The following ANKRD24 variants were observed in gnomAD, a reference collection of about 807,000 sequenced individuals.
The protein encoded by ANKRD24 is ankyrin repeat domain-containing protein 24.
In ANKRD24, 109 loss-of-function variants were observed where a neutral mutation model predicts 127.8. That is an observed-to-expected ratio of 0.85 (90% CI 0.73 to 1.00). The LOEUF is 1.00. ANKRD24 is among the 50% of genes least tolerant of loss of function. The pLI, the probability that ANKRD24 is intolerant of heterozygous loss-of-function variation, is 0.00. For missense variants in ANKRD24, 1,648 were observed against 1,570.2 expected (o/e 1.05, Z -0.84); for synonymous variants, 743 against 671.1 (o/e 1.11, Z -1.66).
At chr19:4,200,748 C>T (rs1969054160) in intron 5 of ANKRD24, among the ~76,000 whole-genome samples, 1 of 152,076 alleles carries the variant, frequency 6.6e-6, no homozygotes, top group South Asian at 2.1e-4. Context: ...TCTTGAACTC[C>T]TGGGCTCTAA....
intron 11 of ANKRD24, 39 bp from the exon 12 acceptor site, chr19:4,210,019 C>G: frequency 3.1e-6 from 4 of 1,307,884 alleles, no homozygotes; most frequent in Non-Finnish European, 4.3e-6. Context: ...CATGGCCCCC[C>G]GATCGGCCCC....
intron 2 of ANKRD24, among the ~76,000 whole-genome samples, chr19:4,188,871 G>A (rs1334299470): frequency 6.6e-5 from 10 of 152,020 alleles, no homozygotes; most frequent in African/African-American, 2.2e-4. Flanking sequence ...GCAGTGGCAC[G>A]ATCTCTGCTC....
At chr19:4,190,465 CTG>C (rs1968324105) in intron 2 of ANKRD24, among the ~76,000 whole-genome samples, 1 of 150,446 alleles carries the variant, frequency 6.6e-6, no homozygotes, top group Non-Finnish European at 1.5e-5. Flanking sequence ...TGGCTCACGT[CTG>C]TAATCCCAGC....
intron 7 of ANKRD24, among the ~76,000 whole-genome samples, chr19:4,203,685 C>T (rs980309281): frequency 2.6e-5 from 4 of 151,254 alleles, no homozygotes; most frequent in Admixed American, 6.6e-5. Flanking sequence ...CTCCCTCTGT[C>T]GCCCAGGGTG....
chr19:4,190,633 T>C (rs1367870619), intron 2 of ANKRD24, among the ~76,000 whole-genome samples: 1 of 151,872 alleles, frequency 6.6e-6, no homozygotes, highest in African/African-American at 2.4e-5. Context: ...CTCAGGAGGC[T>C]GAGGAAGGAA....
At chr19:4,188,990 A>C (rs914308239) in intron 2 of ANKRD24, among the ~76,000 whole-genome samples, 1 of 151,540 alleles carries the variant, frequency 6.6e-6, no homozygotes. Flanking sequence ...TTGTATTTTT[A>C]GTAGAGACAG....
chr19:4,191,381 C>G (rs955039568), intron 2 of ANKRD24, among the ~76,000 whole-genome samples: 5 of 152,228 alleles, frequency 3.3e-5, no homozygotes, highest in Non-Finnish European at 7.3e-5. Context: ...CCCCTCTCCT[C>G]CTCTCCTTAG....
intron 18 of ANKRD24, among the ~76,000 whole-genome samples, chr19:4,218,440 C>T (rs139395508): frequency 6.6e-6 from 1 of 151,940 alleles, no homozygotes; most frequent in South Asian, 2.1e-4. Context: ...GCTGGAATTA[C>T]AGGCACCTGC....
Position 4,217,493 on chromosome 19 carries a change from G to A in ANKRD24, c.2333G>A (p.Gly778Glu). ...GAGGCCGAGGGCAGCGGGGCCAGCG[G>A]GGGCGGTGGCGGTGACACCACACAG... is the stretch of plus-strand genomic sequence containing the variant. ...VREAEGSGAS[G>E]GGGGDTTQLR... The change falls in exon 18 of 22, where the codon GGG becomes GAG. Residue 778 changes from glycine (G) to glutamate (E), a missense_variant. Gly to Glu is a moderately conservative substitution (Grantham distance 98). Transcript: ENST00000318934. 1 of 1,412,582 alleles carries A rather than the reference G, an allele frequency of 7.1e-7. No individual in the cohort carries two copies. The highest frequency in any genetic ancestry group is 9.2e-7 in the Non-Finnish European group (1 of 1,088,862). The allele number at this position is 1,412,582 out of a possible 1,614,324, so 87.5% of individuals were successfully genotyped here. A position where few individuals can be genotyped will look rare whatever the true frequency, so the allele number is the denominator to read the frequency against.
Position 4,222,803 on chromosome 19 carries a change from C to A in ANKRD24, c.3297+8C>A. The A allele has an allele frequency of 6.3e-7, 1 of 1,598,514 alleles. No homozygotes were observed. The highest frequency in any genetic ancestry group is 1.3e-5 in the African/African-American group (1 of 74,690). ...TTACAGCAGCAGCTGCAGGTAAGGACTGGGCCACGCAGGGGCCAGGGGACC... is the reference window on the plus strand; with the variant it reads ...TTACAGCAGCAGCTGCAGGTAAGGAATGGGCCACGCAGGGGCCAGGGGACC... On this transcript the variant is annotated splice_region_variant and intron_variant, in intron 20 of 21. Transcript: ENST00000318934.
Position 4,218,070 on chromosome 19 carries a change from C to T in ANKRD24, c.2910C>T (p.Ile970=), listed in dbSNP as rs1309269519. 3.2e-6 allele frequency: 5 copies of T among 1,555,872 alleles called. No homozygotes were observed. The highest frequency in any genetic ancestry group is 5.0e-5 in the East Asian group (2 of 40,132). Residue 970 remains isoleucine (I), a synonymous_variant, in exon 18 of 22, where the codon ATC becomes ATT. Coordinates refer to ENST00000318934, the MANE Select transcript of ANKRD24 (RefSeq NM_001393985.1). ...TGGCGCTCTCGGAGCACGAACGCAT[C>T]GTGGGCACCCTGCAGGCCAACGTGG... is the stretch of plus-strand genomic sequence containing the variant. ...CSVALSEHER[I]VGTLQANVAQ... is the part of the protein sequence containing the mutation.
rs1462118423 is a variant in ANKRD24 at position 4,209,672 on chromosome 19, C to T, written c.871-386C>T. On this transcript the variant is annotated intron_variant, in intron 11 of 21. Coordinates refer to ENST00000318934, the MANE Select transcript of ANKRD24 (RefSeq NM_001393985.1). ...CACTCTGTGTTGTCCAGGCTGCTCT[C>T]GAACTCCTGACCTCAAGTGATCACC... Among the ~76,000 whole-genome samples, 9 of 151,902 alleles carry T rather than the reference C, an allele frequency of 5.9e-5. No homozygotes were observed. The Middle Eastern group carries it at 0.017, about 287-fold the overall frequency.
In ANKRD24 at chr19:4,212,467, C is replaced by T. The variant is rs1969795327; in HGVS notation, c.1060-8C>T. On this transcript the variant is annotated splice_region_variant and splice_polypyrimidine_tract_variant and intron_variant, in intron 13 of 21. Coordinates refer to ENST00000318934, the MANE Select transcript of ANKRD24 (RefSeq NM_001393985.1). ...GATCCAAACCCCTGTCCCTGTTTCT[C>T]CCGTCAGTCCCCGGAGGCCAGCTCC... is the stretch of plus-strand genomic sequence containing the variant. 2 of 1,574,714 alleles carry T rather than the reference C, an allele frequency of 1.3e-6. No individual in the cohort carries two copies. The highest frequency in any genetic ancestry group is 1.9e-5 in the Admixed American group (1 of 53,236).
At position 4,198,579 on chromosome 19, in the gene ANKRD24, T is replaced by TGAG; in HGVS notation, c.37-1104_37-1103insGAG. 1 of 468,502 alleles carries TGAG rather than the reference T, an allele frequency of 2.1e-6. No individual in the cohort carries two copies. The highest frequency in any genetic ancestry group is 3.8e-6 in the Non-Finnish European group (1 of 265,056). 29.0% of individuals were successfully genotyped at this position (468,502 alleles called of 1,614,324 possible). A position where few individuals can be genotyped will look rare whatever the true frequency, so the allele number is the denominator to read the frequency against. On this transcript the variant is annotated intron_variant, in intron 2 of 21. Transcript: ENST00000318934. The surrounding 1 kb of genome is among the most constrained non-coding windows in gnomAD (Gnocchi z 6.1). ...CAGGAGCGGGCGGGGCGCGGGTACC[T>TGAG]CCTCTCCCCTCCCTTCCCCGTCCCC...
At chr19:4,183,555 A>C in intron 1 of ANKRD24, 1 of 167,056 alleles carries the variant, frequency 6.0e-6, no homozygotes, top group Non-Finnish European at 1.2e-5. Flanking sequence ...CACAGGAGGC[A>C]CCTGACCCAG....
At chr19:4,215,549 T>C (rs999616935) in intron 15 of ANKRD24, among the ~76,000 whole-genome samples, 4 of 149,638 alleles carry the variant, frequency 2.7e-5, no homozygotes, top group Non-Finnish European at 5.9e-5. Flanking sequence ...GGAGGATCGC[T>C]TGAACCCAGG....
At position 4,224,577 on chromosome 19, in the gene ANKRD24, G is replaced by T; in HGVS notation, c.*72G>T. On this transcript the variant is annotated 3_prime_UTR_variant, in exon 22 of 22. Coordinates refer to ENST00000318934, the MANE Select transcript of ANKRD24 (RefSeq NM_001393985.1). ...CTCACCCCCCTGCAGGCCCCTTGCA[G>T]ACCGGCTTCACTTGGCTTCACTTGG... 6.9e-7 allele frequency: 1 copy of T among 1,439,860 alleles called. No individual in the cohort carries two copies. The allele number at this position is 1,439,860 out of a possible 1,614,324, so 89.2% of individuals were successfully genotyped here. A position where few individuals can be genotyped will look rare whatever the true frequency, so the allele number is the denominator to read the frequency against.
In ANKRD24 at chr19:4,217,942, G is replaced by C; in HGVS notation, c.2782G>C (p.Glu928Gln). The C allele has an allele frequency of 6.6e-7, 1 of 1,505,676 alleles. No homozygotes were observed. Among genetic ancestry groups the C allele is most frequent in the Non-Finnish European group, 8.8e-7 (1 of 1,134,606 alleles). 93.3% of individuals were successfully genotyped at this position (1,505,676 alleles called of 1,614,324 possible). Residue 928 changes from glutamate (E) to glutamine (Q), a missense_variant, in exon 18 of 22, where the codon GAG (glutamate) becomes CAG (glutamine). Transcript: ENST00000318934. Reference protein sequence around the residue: ...EHRRLQEEALELRGRAASLEQ... With the variant: ...EHRRLQEEALQLRGRAASLEQ... ...CCGCCGGCTGCAGGAGGAGGCCCTG[G>C]AGCTGCGGGGCCGGGCAGCCAGTCT...
At chr19:4,203,433 ACCTCCCGGGTTCAAACGAT>A (rs1275046095) in intron 7 of ANKRD24, among the ~76,000 whole-genome samples, 1 of 150,862 alleles carries the variant, frequency 6.6e-6, no homozygotes, top group Admixed American at 6.6e-5. Flanking sequence ...TGCATCCTTG[ACCTCCCGGGTTCAAACGAT>A]CCTCCTGCCT....
Sources: gnomAD v4.1 joint callset for allele counts (sites outside exome capture counted in the v4.1 genomes callset) on GRCh38, gnomAD v4.1.1 for gene constraint, Gnocchi (gnomAD v3.1) non-coding constraint, MANE v1.5 for transcripts, NCBI Gene and HGNC (gene_info 2026-07-23, HGNC 2026-07-21) for gene names.